TRIML1: variants seen among roughly 807,000 people sequenced by gnomAD.
The protein encoded by TRIML1 is tripartite motif family like 1, also known as probable E3 ubiquitin-protein ligase TRIML1.
Under a neutral mutation model 32.3 loss-of-function variants are expected in TRIML1, and 34 were observed. The ratio of observed to expected loss-of-function variants is 1.05; its 90% CI spans 0.80 to 1.40. TRIML1 has a LOEUF of 1.40. TRIML1 is among the 40% of genes most tolerant of loss of function. The probability of loss-of-function intolerance (pLI) is 0.00; values close to 1 mark genes in which losing one functional copy is unlikely to be tolerated. For synonymous variants in TRIML1, 244 were observed against 226.6 expected, an observed-to-expected ratio of 1.08 and a Z score of -0.69; for missense variants, 595 against 574.9, an observed-to-expected ratio of 1.03 and a Z score of -0.36.
intron 5 of TRIML1, among the ~76,000 whole-genome samples, chr4:188,146,499 T>C (rs1579171185): frequency 6.6e-6 from 1 of 152,200 alleles, no homozygotes; most frequent in Non-Finnish European, 1.5e-5. Context: ...AACCTCCACC[T>C]CCTGGGTTCA....
At chr4:188,148,016 T>G (rs1179928626), downstream of TRIML1, among the ~76,000 whole-genome samples, 2 of 152,234 alleles carry the variant, frequency 1.3e-5, no homozygotes, top group African/African-American at 4.8e-5. Flanking sequence ...GGCTGGAACC[T>G]TCCATTAATA....
In TRIML1 at chr4:188,147,413, C is replaced by T. The variant is rs773446110; in HGVS notation, c.*41C>T. The T allele has an allele frequency of 1.4e-6, 2 of 1,438,206 alleles. No homozygotes were observed. The allele number at this position is 1,438,206 out of a possible 1,614,324, so 89.1% of individuals were successfully genotyped here. On this transcript the variant is annotated 3_prime_UTR_variant, in exon 6 of 6. Coordinates refer to ENST00000332517, the MANE Select transcript of TRIML1 (RefSeq NM_178556.5). ...CCGTCACAGCGGGCGATGTCTGAGA[C>T]CAAGACACAACTATTAAGACGATGA...
At chr4:188,145,965 G>A (rs903420511) in intron 5 of TRIML1, among the ~76,000 whole-genome samples, 3 of 152,162 alleles carry the variant, frequency 2.0e-5, no homozygotes, top group Non-Finnish European at 4.4e-5. Flanking sequence ...ATTAGGGATT[G>A]TGATTTGTGA....
chr4:188,150,326 G>C (rs577745431), downstream of TRIML1, among the ~76,000 whole-genome samples: 3 of 150,512 alleles, frequency 2.0e-5, no homozygotes, highest in South Asian at 4.2e-4. Flanking sequence ...ATGGGGTTTT[G>C]CCATGTTGGC....
chr4:188,148,814 C>T (rs1735175241), downstream of TRIML1, among the ~76,000 whole-genome samples: 1 of 150,034 alleles, frequency 6.7e-6, no homozygotes, highest in Non-Finnish European at 1.5e-5. Flanking sequence ...TTTGGCCAGG[C>T]TGGTCTTGAA....
At chr4:188,140,793 C>G in intron 2 of TRIML1, 170 bp downstream of exon 2, 1 of 572,750 alleles carries the variant, frequency 1.7e-6, no homozygotes, top group East Asian at 3.0e-5. Flanking sequence ...TCGTGGGAGT[C>G]TCAAGGCTCA....
downstream of TRIML1, among the ~76,000 whole-genome samples, chr4:188,149,425 T>C (rs960479302): frequency 6.6e-6 from 1 of 152,120 alleles, no homozygotes; most frequent in African/African-American, 2.4e-5. Flanking sequence ...TGTCTGTAAA[T>C]TGGAGACTCG....
rs1734895234 is a variant in TRIML1 at position 188,142,387 on chromosome 4, A to G, written c.640A>G (p.Asn214Asp). The G allele has an allele frequency of 6.2e-7, 1 of 1,613,840 alleles. No homozygotes were observed. Among genetic ancestry groups the G allele is most frequent in the Non-Finnish European group, 8.5e-7 (1 of 1,180,010 alleles). ...AGAGAACATGAGGAAGCTGAGGAAC[A>G]ATGAGATCAAACTGACCCAGCAAAT... The part of the protein sequence containing the change: ...EKENMRKLRN[N>D]EIKLTQQIRS... Residue 214 changes from asparagine to aspartate, a missense_variant, in exon 3 of 6, where the codon AAT becomes GAT. Physicochemically the swap from Asn to Asp is conservative, Grantham distance 23. Transcript: ENST00000332517.
intron 3 of TRIML1, chr4:188,143,445 A>G (rs947670414): frequency 2.1e-5 from 5 of 240,482 alleles, no homozygotes; most frequent in African/African-American, 6.9e-5. Context: ...TATTTAATTT[A>G]GTGCCTTCCA....
In TRIML1 at chr4:188,139,696, A is replaced by G. The variant is rs747523858; in HGVS notation, c.138A>G (p.Glu46=). The change falls in exon 1 of 6, where the codon GAA becomes GAG. Residue 46 remains glutamate (E), a synonymous_variant. Coordinates refer to ENST00000332517, the MANE Select transcript of TRIML1 (RefSeq NM_178556.5). ...TGTGTCTCCTCAGGAGCTGGGAGGAACATAACACACCTTTATCTTGTCCTG... is the reference window on the plus strand; with the variant it reads ...TGTGTCTCCTCAGGAGCTGGGAGGAGCATAACACACCTTTATCTTGTCCTG... The part of the protein sequence containing the change: ...CLVCLLRSWE[E]HNTPLSCPEC... 6.2e-7 allele frequency: 1 copy of G among 1,614,032 alleles called. No homozygotes were observed. Among genetic ancestry groups the G allele is most frequent in the Non-Finnish European group, 8.5e-7 (1 of 1,180,006 alleles).
chr4:188,141,165 G>GTTTTT (rs58714915), intron 2 of TRIML1, among the ~76,000 whole-genome samples: 2,496 of 118,380 alleles, frequency 0.021, 111 homozygotes, highest in African/African-American at 0.071. Context: ...TTTGAAATCT[G>GTTTTT]TTTTTTTTTT....
At chr4:188,142,529 A>C in intron 3 of TRIML1, 47 bp downstream of exon 3, 8 of 1,378,422 alleles carry the variant, frequency 5.8e-6, no homozygotes, top group South Asian at 1.2e-5. Context: ...ATAGTAACTC[A>C]TAGTACTTCA....
chr4:188,148,386 C>T (rs1168393264), downstream of TRIML1, among the ~76,000 whole-genome samples: 1 of 151,884 alleles, frequency 6.6e-6, no homozygotes, highest in Non-Finnish European at 1.5e-5. Context: ...CTCAACTACT[C>T]GGGAGGCTGA....
chr4:188,144,385 C>T (rs560801426), intron 5 of TRIML1, among the ~76,000 whole-genome samples: 61 of 145,764 alleles, frequency 4.2e-4, no homozygotes, highest in Non-Finnish European at 8.0e-4. Context: ...TTCTTTGAGA[C>T]GGAGTCTCAC....
chr4:188,141,739 C>G (rs1480140987), intron 2 of TRIML1, among the ~76,000 whole-genome samples: 1 of 151,972 alleles, frequency 6.6e-6, no homozygotes, highest in Non-Finnish European at 1.5e-5. Context: ...CACATACCTC[C>G]GAAAACATCA....
chr4:188,143,547 G>T, intron 3 of TRIML1: 1 of 430,738 alleles, frequency 2.3e-6, no homozygotes. Context: ...CTGGATGATC[G>T]AGACTAACAG....
rs746589190 is a variant in TRIML1 at position 188,146,786 on chromosome 4, T to C, written c.857-36T>C. The stretch of plus-strand genomic sequence containing the variant: ...ACATACCTAAGAGGTTTTTCAAGCA[T>C]GCCCAAGGGAAATCTCTTCTTTCCT... On this transcript the variant is annotated intron_variant, in intron 5 of 5. Coordinates refer to ENST00000332517, the MANE Select transcript of TRIML1 (RefSeq NM_178556.5). 6 of 1,333,158 alleles carry C rather than the reference T, an allele frequency of 4.5e-6. No homozygotes were observed. In the East Asian group the frequency reaches 1.4e-4, roughly 30 times the overall value. The allele number at this position is 1,333,158 out of a possible 1,614,324, so 82.6% of individuals were successfully genotyped here.
intron 3 of TRIML1, 131 bp downstream of exon 3, chr4:188,142,613 A>T: frequency 1.5e-6 from 1 of 680,124 alleles, no homozygotes; most frequent in East Asian, 2.8e-5. Flanking sequence ...TTCCTAAAGA[A>T]TTGACATTCT....
At position 188,144,542 on chromosome 4, in the gene TRIML1, T is replaced by G. The variant is rs988465913; in HGVS notation, c.856+409T>G. 1.4e-5 allele frequency among the ~76,000 whole-genome samples: 2 copies of G among 140,296 alleles called. 1 individual carries two copies. The highest frequency in any genetic ancestry group is 5.1e-5 in the African/African-American group (2 of 39,200). The allele number at this position is 140,296 out of a possible 152,430, so 92.0% of individuals were successfully genotyped here. ...CACGCCTGGGTAATTTTTTGTATTT[T>G]TAGTACAGACGGGGTTTCACTGTGT... On this transcript the variant is annotated intron_variant, in intron 5 of 5. Coordinates refer to ENST00000332517, the MANE Select transcript of TRIML1 (RefSeq NM_178556.5).
Sources: allele counts gnomAD v4.1 joint callset (sites outside exome capture counted in the v4.1 genomes callset), GRCh38; gene constraint gnomAD v4.1.1; transcripts MANE v1.5; gene names NCBI Gene and HGNC (gene_info 2026-07-23, HGNC 2026-07-21).